The following CDC42BPA variants were observed in gnomAD, a reference collection of about 807,000 sequenced individuals.
CDC42BPA encodes the protein serine/threonine-protein kinase MRCK alpha.
Under a neutral mutation model 223.5 loss-of-function variants are expected in CDC42BPA, and 80 were observed. The ratio of observed to expected loss-of-function variants is 0.36; its 90% CI spans 0.30 to 0.43. The LOEUF (loss-of-function observed/expected upper bound fraction) is 0.43. CDC42BPA is among the 20% of genes least tolerant of loss of function. The pLI is 1.00. For synonymous variants in CDC42BPA, 694 were observed against 718.6 expected, an observed-to-expected ratio of 0.97 and a Z score of 0.55; for missense variants, 1,743 against 2,099.9, an observed-to-expected ratio of 0.83 and a Z score of 3.32.
chr1:227,095,587 TG>T (rs1227032959), intron 15 of CDC42BPA, among the ~76,000 whole-genome samples: 5 of 133,046 alleles, frequency 3.8e-5, no homozygotes, highest in East Asian at 4.5e-4. Context: ...ATAAGTTCTT[TG>T]GTTTTTTTTT....
intron 31 of CDC42BPA, among the ~76,000 whole-genome samples, chr1:227,024,433 A>G (rs1272110508): frequency 6.6e-6 from 1 of 152,174 alleles, no homozygotes; most frequent in African/African-American, 2.4e-5. Flanking sequence ...TGAACTCCCT[A>G]TGTCCCATCA....
chr1:227,097,361 A>C (rs148619793), intron 15 of CDC42BPA, among the ~76,000 whole-genome samples: 22 of 152,230 alleles, frequency 1.4e-4, no homozygotes, highest in African/African-American at 5.1e-4. Context: ...GTCATTATTT[A>C]GTCCTTATCT....
At position 227,034,737 on chromosome 1, in the gene CDC42BPA, C is replaced by T; in HGVS notation, c.3394G>A (p.Asp1132Asn). 6.2e-7 allele frequency: 1 copy of T among 1,613,870 alleles called. No homozygotes were observed. Among genetic ancestry groups the T allele is most frequent in the Non-Finnish European group, 8.5e-7 (1 of 1,179,830 alleles). ...ATATCGTACAGAAAGAGTTTGAAGT[C>T]ACACACTATAGCCAGTGCTCTCTGC... ...GWQRALAIVC[D>N]FKLFLYDIAE... The change falls in exon 26 of 37, where the codon GAC becomes AAC. Residue 1132 changes from aspartate to asparagine, a missense_variant. This residue lies in a region of CDC42BPA where 678 missense variants were observed against 777.5 expected (regional missense o/e 0.87). Transcript: ENST00000366766.
intron 1 of CDC42BPA, among the ~76,000 whole-genome samples, chr1:227,313,928 A>G (rs914324936): frequency 5.3e-5 from 8 of 152,124 alleles, no homozygotes; most frequent in African/African-American, 1.7e-4. Flanking sequence ...TGTATGTTAC[A>G]AAGTCCAAAA....
At chr1:227,244,190 A>G (rs1680503355) in intron 2 of CDC42BPA, among the ~76,000 whole-genome samples, 1 of 152,212 alleles carries the variant, frequency 6.6e-6, no homozygotes, top group South Asian at 2.1e-4. Flanking sequence ...AAACACAAAT[A>G]AGTGCTCATA....
At chr1:227,017,381 T>A (rs759203275) in intron 32 of CDC42BPA, among the ~76,000 whole-genome samples, 10 of 152,200 alleles carry the variant, frequency 6.6e-5, no homozygotes, top group Non-Finnish European at 5.9e-5. Context: ...ATACTATATT[T>A]TCTCTCCCTC....
intron 34 of CDC42BPA, among the ~76,000 whole-genome samples, chr1:227,011,784 T>C (rs1240594538): frequency 1.3e-5 from 2 of 152,172 alleles, no homozygotes; most frequent in Non-Finnish European, 1.5e-5. Context: ...AAGAACTACT[T>C]CCGATTACGC....
rs34434131 is a variant in CDC42BPA at position 227,031,793 on chromosome 1, TAAC to T, written c.3559-282_3559-280del. Among the ~76,000 whole-genome samples the T allele has an allele frequency of 1.6e-3, 236 of 151,996 alleles. 1 individual carries two copies. Among genetic ancestry groups the T allele is most frequent in the Non-Finnish European group, 2.9e-3 (198 of 67,980 alleles). ...TATCACTAAAGAGGCATTAAATATA[TAAC>T]AACAACAACAACAACTGACATTTAT... On this transcript the variant is annotated intron_variant, in intron 27 of 36. Coordinates refer to ENST00000366766, the MANE Select transcript of CDC42BPA (RefSeq NM_001394014.1).
At chr1:227,191,276 C>T (rs1341857761) in intron 5 of CDC42BPA, among the ~76,000 whole-genome samples, 8 of 147,234 alleles carry the variant, frequency 5.4e-5, no homozygotes, top group Non-Finnish European at 8.9e-5. Flanking sequence ...ACCCAGGAGG[C>T]GGAGGCTGCA....
chr1:227,292,902 C>T (rs1689937613), intron 1 of CDC42BPA, among the ~76,000 whole-genome samples: 1 of 152,126 alleles, frequency 6.6e-6, no homozygotes, highest in Non-Finnish European at 1.5e-5. Context: ...TCAAACAAAA[C>T]CAAAACCCTA....
At position 227,142,959 on chromosome 1, in the gene CDC42BPA, T is replaced by C; in HGVS notation, c.1209A>G (p.Thr403=). ...SGHHLPFVGF[T]YTSSCVLSDR... is the part of the protein sequence containing the mutation. The stretch of plus-strand genomic sequence containing the variant: ...TTCAAACTTACCAGCTACTAGTATA[T>C]GTAAAACCAACAAATGGCAGATGGT... Residue 403 remains threonine (T), a synonymous_variant, in exon 9 of 37, where the codon ACA becomes ACG. Transcript: ENST00000366766. The C allele has an allele frequency of 6.4e-7, 1 of 1,553,200 alleles. No individual in the cohort carries two copies.
intron 17 of CDC42BPA, among the ~76,000 whole-genome samples, chr1:227,078,224 C>T (rs10916083): frequency 0.21 from 31,188 of 152,030 alleles, 3,311 homozygotes; most frequent in East Asian, 0.26. Context: ...TATTCCCACC[C>T]TTCTTGAGCA....
chr1:227,278,881 G>T (rs181371947), intron 1 of CDC42BPA, among the ~76,000 whole-genome samples: 1 of 152,078 alleles, frequency 6.6e-6, no homozygotes, highest in African/African-American at 2.4e-5. Flanking sequence ...GGCATTAAGT[G>T]ATTTAAATTT....
rs1661816674 is a variant in CDC42BPA, at chr1:227,151,864, T to C, written c.694-4305A>G. On this transcript the variant is annotated intron_variant, in intron 6 of 36. Coordinates refer to ENST00000366766, the MANE Select transcript of CDC42BPA (RefSeq NM_001394014.1). ...GTTTGAGACCAACCTGGCCAAGAGGTCATAACCCAGTCTCTACAAAAAAAA... is the reference window on the plus strand; with the variant it reads ...GTTTGAGACCAACCTGGCCAAGAGGCCATAACCCAGTCTCTACAAAAAAAA... 4.5e-5 allele frequency among the ~76,000 whole-genome samples: 5 copies of C among 110,580 alleles called. 1 individual carries two copies. The South Asian group carries it at 1.6e-3, about 35-fold the overall frequency. 72.5% of individuals were successfully genotyped at this position (110,580 alleles called of 152,430 possible). A position where few individuals can be genotyped will look rare whatever the true frequency, so the allele number is the denominator to read the frequency against.
At chr1:227,240,902 G>A (rs1377835877) in intron 2 of CDC42BPA, among the ~76,000 whole-genome samples, 1 of 151,756 alleles carries the variant, frequency 6.6e-6, no homozygotes, top group Non-Finnish European at 1.5e-5. Context: ...CTTCAAAATT[G>A]AAAACTTCTG....
rs370829610 is a variant in CDC42BPA at position 227,160,597 on chromosome 1, T to A, written c.639A>T (p.Gly213=). The stretch of plus-strand genomic sequence containing the variant: ...AACCAAAATCTGCTAACCGAATATG[T>A]CCATTCATATCCATCAGTATATTGT... ...KPDNILMDMN[G]HIRLADFGSC... Residue 213 remains glycine, a synonymous_variant, in exon 6 of 37, where the codon GGA becomes GGT. Transcript: ENST00000366766. 84 of 1,606,782 alleles carry A rather than the reference T, an allele frequency of 5.2e-5. No individual in the cohort carries two copies. In the South Asian group the frequency reaches 8.6e-4, roughly 16 times the overall value.
In CDC42BPA at chr1:227,005,103, C is replaced by T; in HGVS notation, c.4866G>A (p.Arg1622=). ...QILKDLPMNP[R]PQESRTVFSG... ...TGAATACTGTCCGACTTTCCTGAGG[C>T]CGAGGGTTCTATAAACAAAAGCGAG... The change falls in exon 35 of 37, where the codon CGG becomes CGA. Residue 1622 remains arginine, a synonymous_variant. Coordinates refer to ENST00000366766, the MANE Select transcript of CDC42BPA (RefSeq NM_001394014.1). 1 of 1,611,298 alleles carries T rather than the reference C, an allele frequency of 6.2e-7. No individual in the cohort carries two copies. The highest frequency in any genetic ancestry group is 8.5e-7 in the Non-Finnish European group (1 of 1,177,484).
chr1:227,006,381 G>GC (rs568332919), intron 34 of CDC42BPA, among the ~76,000 whole-genome samples: 59 of 152,278 alleles, frequency 3.9e-4, no homozygotes, highest in African/African-American at 1.4e-3. Flanking sequence ...GAGGGATTTG[G>GC]CCCACTACTC....
chr1:227,040,024 G>A (rs1671057180), intron 24 of CDC42BPA, 107 bp downstream of exon 24: 3 of 736,432 alleles, frequency 4.1e-6, no homozygotes, highest in Admixed American at 2.4e-5. Flanking sequence ...ATGCAAAAAA[G>A]CAAATGATTA....
Sources: gnomAD v4.1 joint callset for allele counts (sites outside exome capture counted in the v4.1 genomes callset) on GRCh38, gnomAD v4.1.1 for gene constraint, gnomAD v4.1.1 regional missense constraint, MANE v1.5 for transcripts, NCBI Gene and HGNC (gene_info 2026-07-23, HGNC 2026-07-21) for gene names.